The following ANKRD11 variants were observed in gnomAD, a reference collection of about 807,000 sequenced individuals.
The protein encoded by ANKRD11 is ankyrin repeat domain 11.
A neutral mutation model predicts 195.7 loss-of-function variants in ANKRD11; 17 were observed. That is an observed-to-expected ratio of 0.09 (90% CI 0.06 to 0.13). The LOEUF (loss-of-function observed/expected upper bound fraction) is 0.13, where lower values mean the gene tolerates loss of function less well. ANKRD11 is among the 10% of genes least tolerant of loss of function. The pLI is 1.00. For synonymous variants in ANKRD11, 1,953 were observed against 1,528.1 expected, an observed-to-expected ratio of 1.28 and a Z score of -6.49; for missense variants, 3,735 against 3,566.1, an observed-to-expected ratio of 1.05 and a Z score of -1.21.
intron 2 of ANKRD11, among the ~76,000 whole-genome samples, chr16:89,379,015 G>A (rs1009883832): frequency 2.0e-5 from 3 of 152,204 alleles, no homozygotes; most frequent in South Asian, 2.1e-4. Flanking sequence ...TCCTGCAGTC[G>A]TAGACAAGCC....
intron 1 of ANKRD11, among the ~76,000 whole-genome samples, chr16:89,419,094 G>A (rs1049997319): frequency 2.5e-4 from 38 of 152,190 alleles, no homozygotes; most frequent in Non-Finnish European, 5.0e-4. Flanking sequence ...AAAAGATAAG[G>A]TGGTTTTCAT....
rs75468407 is a variant in ANKRD11 at position 89,355,864 on chromosome 16, C to T, written c.-59-38786G>A. ...CAGCCCAATGGAAAGGCAGAGTGAC[C>T]GATGAGATAAACACCACAGGAACAG... On this transcript the variant is annotated intron_variant, in intron 2 of 12. Coordinates refer to ENST00000301030, the MANE Select transcript of ANKRD11 (RefSeq NM_013275.6). 1.8e-3 allele frequency among the ~76,000 whole-genome samples: 275 copies of T among 152,222 alleles called. 2 individuals carry two copies. Among genetic ancestry groups the T allele is most frequent in the African/African-American group, 5.8e-3 (240 of 41,534 alleles).
intron 1 of ANKRD11, among the ~76,000 whole-genome samples, chr16:89,467,812 G>A (rs1204186530): frequency 6.6e-6 from 1 of 152,090 alleles, no homozygotes; most frequent in Non-Finnish European, 1.5e-5. Flanking sequence ...TGTTTTGTTT[G>A]TTTGTTGAGA....
intron 1 of ANKRD11, among the ~76,000 whole-genome samples, chr16:89,461,895 C>G (rs1245089583): frequency 6.6e-6 from 1 of 152,182 alleles, no homozygotes; most frequent in South Asian, 2.1e-4. Context: ...ACACTGCCCT[C>G]TCCCCTCCTC....
chr16:89,376,327 C>T (rs541123072), intron 2 of ANKRD11, among the ~76,000 whole-genome samples: 1 of 152,280 alleles, frequency 6.6e-6, no homozygotes, highest in African/African-American at 2.4e-5. Flanking sequence ...TTGGCTTTAA[C>T]AATGTCAAGA....
At chr16:89,392,058 A>G (rs2152125967) in intron 2 of ANKRD11, among the ~76,000 whole-genome samples, 1 of 152,238 alleles carries the variant, frequency 6.6e-6, no homozygotes, top group Non-Finnish European at 1.5e-5. Flanking sequence ...CCTCTTTTAA[A>G]AAGTTCTAAG....
At chr16:89,268,873 T>G (rs143733186) in intron 12 of ANKRD11, among the ~76,000 whole-genome samples, 224 of 152,340 alleles carry the variant, frequency 1.5e-3, no homozygotes, top group African/African-American at 5.0e-3. Flanking sequence ...CCATAACCGC[T>G]GTCTATGCCA....
intron 2 of ANKRD11, among the ~76,000 whole-genome samples, chr16:89,398,089 T>C (rs141770124): frequency 0.012 from 1,869 of 150,284 alleles, 47 homozygotes; most frequent in African/African-American, 0.045. Context: ...CAGCTGAAGA[T>C]TACCTGTAAC....
rs531308458 is a variant in ANKRD11, at chr16:89,477,847, G to A, written c.-145+12398C>T. The stretch of plus-strand genomic sequence containing the variant: ...ATCAGCCAGGTGTGGTGGCAGGCAG[G>A]AGAACTGCTTGAATGCAGGAGAACT... On this transcript the variant is annotated intron_variant, in intron 1 of 12. Transcript: ENST00000301030. 2.6e-5 allele frequency among the ~76,000 whole-genome samples: 4 copies of A among 151,972 alleles called. No homozygotes were observed. In the East Asian group the frequency reaches 7.8e-4, roughly 30 times the overall value.
At chr16:89,381,074 G>C (rs34571043) in intron 2 of ANKRD11, among the ~76,000 whole-genome samples, 1 of 152,200 alleles carries the variant, frequency 6.6e-6, no homozygotes, top group Non-Finnish European at 1.5e-5. Context: ...TGTCATCCCA[G>C]CACTTTGGGA....
Position 89,323,954 on chromosome 16 carries a change from G to A in ANKRD11, c.-59-6876C>T. ...TCTTTGCTACGGTTTGAATGTTTGT[G>A]TCGGCCCCTCCCCTGCACCCCAAAA... On this transcript the variant is annotated intron_variant, in intron 2 of 12. Transcript: ENST00000301030. 1.8e-5 allele frequency: 4 copies of A among 220,444 alleles called. No individual in the cohort carries two copies. In the South Asian group the frequency reaches 2.3e-4, roughly 13 times the overall value. 13.7% of individuals were successfully genotyped at this position (220,444 alleles called of 1,614,324 possible).
At chr16:89,372,779 A>G (rs1245906776) in intron 2 of ANKRD11, 1 of 152,172 alleles carries the variant, frequency 6.6e-6, no homozygotes, top group Non-Finnish European at 1.5e-5. Context: ...TTCCCCACGC[A>G]AAGTTAAACA....
chr16:89,437,017 C>CA (rs1284701900), intron 1 of ANKRD11, among the ~76,000 whole-genome samples: 4 of 152,072 alleles, frequency 2.6e-5, no homozygotes, highest in Non-Finnish European at 4.4e-5. Flanking sequence ...GAATTTAGAA[C>CA]ATTTGTCCCC....
chr16:89,422,677 G>A (rs905979994), intron 1 of ANKRD11, among the ~76,000 whole-genome samples: 2 of 152,164 alleles, frequency 1.3e-5, no homozygotes, highest in East Asian at 1.9e-4. Flanking sequence ...CACGAGCACC[G>A]TCCGAAACAG....
At chr16:89,447,255 C>T (rs1044702591) in intron 1 of ANKRD11, among the ~76,000 whole-genome samples, 1 of 152,138 alleles carries the variant, frequency 6.6e-6, no homozygotes, top group Non-Finnish European at 1.5e-5. Flanking sequence ...ATTCCTTGCC[C>T]TCATTAAACT....
intron 1 of ANKRD11, among the ~76,000 whole-genome samples, chr16:89,472,623 G>A (rs574590865): frequency 2.6e-5 from 4 of 152,208 alleles, no homozygotes; most frequent in East Asian, 1.9e-4. Flanking sequence ...ATTCCACTGC[G>A]CCCAGCTTAT....
intron 3 of ANKRD11, among the ~76,000 whole-genome samples, chr16:89,305,709 ACGCGCCACC>A (rs2036164952): frequency 3.8e-5 from 5 of 133,250 alleles, no homozygotes; most frequent in African/African-American, 6.0e-5. Flanking sequence ...CTCCGCAGAC[ACGCGCCACC>A]TCCCACTCCG....
chr16:89,284,419 T>G lies in ANKRD11; in HGVS notation c.2123A>C (p.Lys708Thr). The G allele has an allele frequency of 6.2e-7, 1 of 1,613,534 alleles. No homozygotes were observed. The highest frequency in any genetic ancestry group is 8.5e-7 in the Non-Finnish European group (1 of 1,179,954). Residue 708 changes from lysine to threonine, a missense_variant, in exon 9 of 13, where the codon AAA (lysine) becomes ACA (threonine). Lys to Thr is a moderately conservative substitution (Grantham distance 78). Transcript: ENST00000301030. ...EKLSKMKLEEKEWLFKDEKSL... is the reference protein window; with the variant it reads ...EKLSKMKLEETEWLFKDEKSL... ...TTTTTCATCTTTAAAGAGCCATTCT[T>G]TTTCTTCTAATTTCATTTTGCTAAG...
chr16:89,380,273 T>C (rs1177740152), intron 2 of ANKRD11, among the ~76,000 whole-genome samples: 1 of 152,144 alleles, frequency 6.6e-6, no homozygotes, highest in East Asian at 1.9e-4. Flanking sequence ...CCACGACGCC[T>C]GGCTAATTCT....
Sources: gnomAD v4.1 joint callset for allele counts (sites outside exome capture counted in the v4.1 genomes callset) on GRCh38, gnomAD v4.1.1 for gene constraint, MANE v1.5 for transcripts, NCBI Gene and HGNC (gene_info 2026-07-23, HGNC 2026-07-21) for gene names.